GRM7: variants seen among roughly 807,000 people sequenced by gnomAD.
GRM7 encodes metabotropic glutamate receptor 7.
A neutral mutation model predicts 84.5 loss-of-function variants in GRM7; 35 were observed. The ratio of observed to expected loss-of-function variants is 0.41; its 90% confidence interval spans 0.32 to 0.55. GRM7 has a LOEUF of 0.55. Ranked by LOEUF, GRM7 falls within the 20% of genes least tolerant of loss-of-function variation. GRM7 has a pLI of 0.19. For synonymous variants in GRM7, 487 were observed against 455.1 expected, an observed-to-expected ratio of 1.07 and a Z score of -0.89; for missense variants, 1,003 against 1,194.6, an observed-to-expected ratio of 0.84 and a Z score of 2.36.
chr3:7,502,507 C>T (rs920114961), intron 7 of GRM7, among the ~76,000 whole-genome samples: 1 of 151,656 alleles, frequency 6.6e-6, no homozygotes, highest in Non-Finnish European at 1.5e-5. Context: ...AAATCAATAG[C>T]AAAACTGGCA....
At chr3:7,036,953 G>A (rs1244484663) in intron 1 of GRM7, among the ~76,000 whole-genome samples, 1 of 152,148 alleles carries the variant, frequency 6.6e-6, no homozygotes, top group Non-Finnish European at 1.5e-5. Context: ...AAAGAAGAGG[G>A]CATGACATAA....
chr3:7,498,315 G>C (rs188248109), intron 7 of GRM7, among the ~76,000 whole-genome samples: 1 of 152,330 alleles, frequency 6.6e-6, no homozygotes, highest in Non-Finnish European at 1.5e-5. Flanking sequence ...AGGGTTTAGA[G>C]TTGGGGACAG....
At chr3:7,320,883 G>T (rs183400317) in intron 4 of GRM7, among the ~76,000 whole-genome samples, 2 of 151,992 alleles carry the variant, frequency 1.3e-5, no homozygotes, top group African/African-American at 4.8e-5. Context: ...CTCTGTAGAT[G>T]TAATTTCTGA....
intron 4 of GRM7, among the ~76,000 whole-genome samples, 199 bp downstream of exon 4, chr3:7,306,851 A>G (rs1700211784): frequency 6.6e-6 from 1 of 152,162 alleles, no homozygotes; most frequent in Non-Finnish European, 1.5e-5. Context: ...AGGAGATCAT[A>G]TTATTTTCAT....
At chr3:7,166,879 G>C (rs756198434) in intron 2 of GRM7, among the ~76,000 whole-genome samples, 2 of 152,102 alleles carry the variant, frequency 1.3e-5, no homozygotes, top group Non-Finnish European at 2.9e-5. Flanking sequence ...TTTAGGAAAT[G>C]AATAAAATTT....
intron 1 of GRM7, among the ~76,000 whole-genome samples, chr3:7,062,444 A>G (rs992644081): frequency 2.0e-5 from 3 of 151,774 alleles, no homozygotes; most frequent in African/African-American, 7.2e-5. Flanking sequence ...CAGAATAAAT[A>G]TGAAAAATAT....
At chr3:7,064,548 GATATATAT>G (rs60042248) in intron 1 of GRM7, among the ~76,000 whole-genome samples, 21,195 of 87,748 alleles carry the variant, frequency 0.24, 2,010 homozygotes, top group Middle Eastern at 0.28. Context: ...ATCATGTATG[GATATATAT>G]ATATATATAT....
At chr3:7,556,876 G>C (rs1001085970) in intron 7 of GRM7, among the ~76,000 whole-genome samples, 3 of 152,170 alleles carry the variant, frequency 2.0e-5, no homozygotes, top group Non-Finnish European at 4.4e-5. Flanking sequence ...CCATCCATGA[G>C]AGAGAGCAGA....
chr3:7,538,412 C>T (rs996382917), intron 7 of GRM7, among the ~76,000 whole-genome samples: 1 of 152,018 alleles, frequency 6.6e-6, no homozygotes, highest in African/African-American at 2.4e-5. Flanking sequence ...ATGTTCGGCC[C>T]GTTACTGTAT....
chr3:7,216,815 T>C lies in GRM7; in HGVS notation c.736+70147T>C, dbSNP rs527613222. ...GATGTTGCTTTCATTAGAAACATAG[T>C]GAACCAAATGATTGTTTAATGGATG... On this transcript the variant is annotated intron_variant, in intron 2 of 9. Coordinates refer to ENST00000357716, the MANE Select transcript of GRM7 (RefSeq NM_000844.4). 2.0e-5 allele frequency among the ~76,000 whole-genome samples: 3 copies of C among 152,326 alleles called. No individual in the cohort carries two copies. The South Asian group carries it at 6.2e-4, about 32-fold the overall frequency.
At chr3:6,948,310 G>A (rs1355648568) in intron 1 of GRM7, among the ~76,000 whole-genome samples, 1 of 152,118 alleles carries the variant, frequency 6.6e-6, no homozygotes, top group Non-Finnish European at 1.5e-5. Flanking sequence ...ATTTTGTTAT[G>A]TACCCAGTAG....
chr3:7,162,426 A>C (rs1694654239), intron 2 of GRM7, among the ~76,000 whole-genome samples: 1 of 152,130 alleles, frequency 6.6e-6, no homozygotes, highest in Non-Finnish European at 1.5e-5. Flanking sequence ...TAAAGAAGCA[A>C]TGAAGATGAA....
At chr3:7,119,425 A>G (rs181109418) in intron 1 of GRM7, among the ~76,000 whole-genome samples, 2 of 152,140 alleles carry the variant, frequency 1.3e-5, no homozygotes, top group Non-Finnish European at 2.9e-5. Flanking sequence ...TGCCTTCTTG[A>G]GATTTCACAC....
chr3:7,496,467 C>G (rs1446855160), intron 7 of GRM7, among the ~76,000 whole-genome samples: 1 of 151,994 alleles, frequency 6.6e-6, no homozygotes, highest in Non-Finnish European at 1.5e-5. Flanking sequence ...TAAAAAAACA[C>G]AAACAAGCTG....
intron 5 of GRM7, among the ~76,000 whole-genome samples, chr3:7,425,458 T>A (rs1419581668): frequency 6.6e-6 from 1 of 152,156 alleles, no homozygotes; most frequent in Non-Finnish European, 1.5e-5. Context: ...GCTTGGGACC[T>A]TCTGTCCATT....
At chr3:6,906,989 C>T (rs1328007531) in intron 1 of GRM7, among the ~76,000 whole-genome samples, 1 of 152,110 alleles carries the variant, frequency 6.6e-6, no homozygotes, top group Non-Finnish European at 1.5e-5. Flanking sequence ...AATTCAACAC[C>T]TCCCAATATT....
intron 1 of GRM7, among the ~76,000 whole-genome samples, chr3:7,098,894 A>G (rs919127147): frequency 2.0e-5 from 3 of 151,920 alleles, no homozygotes; most frequent in Non-Finnish European, 4.4e-5. Context: ...TCTTTCTCCC[A>G]TTGAGAAATA....
At chr3:7,184,454 T>A (rs73124157) in intron 2 of GRM7, among the ~76,000 whole-genome samples, 9,580 of 152,116 alleles carry the variant, frequency 0.063, 927 homozygotes, top group African/African-American at 0.21. Context: ...ACAAAAATAT[T>A]TTGATAAAAT....
intron 1 of GRM7, among the ~76,000 whole-genome samples, chr3:6,911,411 T>C (rs1436446343): frequency 6.6e-6 from 1 of 152,176 alleles, no homozygotes; most frequent in East Asian, 1.9e-4. Flanking sequence ...GGACTTATGT[T>C]CCTTCATCCA....
Sources: allele counts gnomAD v4.1 joint callset (sites outside exome capture counted in the v4.1 genomes callset), GRCh38; gene constraint gnomAD v4.1.1; transcripts MANE v1.5; gene names NCBI Gene and HGNC (gene_info 2026-07-23, HGNC 2026-07-21).